The following PCDHA6 variants were observed in gnomAD, a reference collection of about 807,000 sequenced individuals.
PCDHA6 encodes protocadherin alpha-6.
Under a neutral mutation model 60.3 loss-of-function variants are expected in PCDHA6, and 55 were observed. The ratio of observed to expected loss-of-function variants is 0.91; its 90% CI spans 0.73 to 1.14. PCDHA6 has a LOEUF of 1.14. Among genes scored for constraint, PCDHA6 ranks in the 50% most tolerant of loss-of-function variants. The pLI is 0.00. For missense variants in PCDHA6, 1,327 were observed against 1,256.5 expected, an observed-to-expected ratio of 1.06 and a Z score of -0.85; for synonymous variants, 652 against 557.9, an observed-to-expected ratio of 1.17 and a Z score of -2.38.
intron 1 of PCDHA6, chr5:140,848,613 G>C (rs147099629): frequency 6.3e-7 from 1 of 1,587,628 alleles, no homozygotes; most frequent in Admixed American, 1.7e-5. Flanking sequence ...GGAGGAAGCC[G>C]AACACGGCAC....
At chr5:140,969,304 C>CA in intron 1 of PCDHA6, 3 of 1,614,160 alleles carry the variant, frequency 1.9e-6, no homozygotes, top group Non-Finnish European at 2.5e-6. Flanking sequence ...TGATTATTCT[C>CA]AAAAATGAGG....
In PCDHA6 at chr5:140,870,537, G is replaced by A. The variant is rs575452776; in HGVS notation, c.2394+40052G>A. On this transcript the variant is annotated intron_variant, in intron 1 of 3. Transcript: ENST00000529310. ...GCTGCCACATCTTCACAGTGTCGGC[G>A]CGGGACGCGGACGCGCAGGAGAACG... 9.3e-6 allele frequency: 15 copies of A among 1,614,172 alleles called. No homozygotes were observed. In the African/African-American group the frequency reaches 1.7e-4, roughly 19 times the overall value.
chr5:140,972,505 T>C (rs2096539361), intron 1 of PCDHA6, among the ~76,000 whole-genome samples: 1 of 152,100 alleles, frequency 6.6e-6, no homozygotes, highest in African/African-American at 2.4e-5. Flanking sequence ...GTTGGTAGAT[T>C]TTACCCCCAG....
chr5:140,967,043 G>T (rs1477679213), intron 1 of PCDHA6: 2 of 1,611,990 alleles, frequency 1.2e-6, no homozygotes, highest in African/African-American at 2.7e-5. Context: ...CCTGGAGCTG[G>T]ACCTGACGAG....
chr5:140,931,693 A>G (rs1001252056), intron 1 of PCDHA6, among the ~76,000 whole-genome samples: 1 of 152,004 alleles, frequency 6.6e-6, no homozygotes, highest in African/African-American at 2.4e-5. Context: ...ATTGTGATTC[A>G]TAAAACCATG....
intron 1 of PCDHA6, among the ~76,000 whole-genome samples, chr5:140,907,765 T>C (rs901037519): frequency 8.5e-5 from 13 of 152,144 alleles, no homozygotes; most frequent in African/African-American, 3.1e-4. Flanking sequence ...GCCCATTGGG[T>C]GATGACAGGG....
chr5:140,882,331 C>A, intron 1 of PCDHA6: 1 of 1,614,214 alleles, frequency 6.2e-7, no homozygotes, highest in South Asian at 1.1e-5. Context: ...TTCTGATCCT[C>A]GCAGCCTGGG....
chr5:140,888,994 T>A (rs1486471421), intron 1 of PCDHA6, among the ~76,000 whole-genome samples: 5 of 152,154 alleles, frequency 3.3e-5, no homozygotes, highest in African/African-American at 1.2e-4. Flanking sequence ...TATGATTTTC[T>A]TATGGCAAAC....
chr5:140,873,959 C>A (rs782271124), intron 1 of PCDHA6, among the ~76,000 whole-genome samples: 1 of 152,136 alleles, frequency 6.6e-6, no homozygotes, highest in Non-Finnish European at 1.5e-5. Context: ...CTGAGCCCAG[C>A]CTATTTTTTA....
intron 1 of PCDHA6, chr5:140,870,895 G>A (rs2052513329): frequency 6.2e-7 from 1 of 1,613,844 alleles, no homozygotes; most frequent in African/African-American, 1.3e-5. Flanking sequence ...CGCAGTGGAT[G>A]CGGACTCAGG....
chr5:140,929,307 C>A, intron 1 of PCDHA6: 1 of 1,570,164 alleles, frequency 6.4e-7, no homozygotes, highest in Non-Finnish European at 8.7e-7. Flanking sequence ...AAGGGGATCA[C>A]GCTAATGTCA....
intron 1 of PCDHA6, chr5:140,864,831 A>G (rs2048618192): frequency 1.3e-5 from 2 of 152,186 alleles, no homozygotes; most frequent in Non-Finnish European, 2.9e-5. Context: ...GGCTTTAAGT[A>G]TAAGAGAGTC....
rs2150477798 is a variant in PCDHA6 at position 140,850,289 on chromosome 5, C to T, written c.2394+19804C>T. On this transcript the variant is annotated intron_variant, in intron 1 of 3. Coordinates refer to ENST00000529310, the MANE Select transcript of PCDHA6 (RefSeq NM_018909.4). ...TGGTGGGGAAGGTGCGCGCAGTGGA[C>T]GCCGACTCGGGCTACAACGCGTGGC... 1.9e-6 allele frequency: 3 copies of T among 1,595,826 alleles called. No homozygotes were observed. In the East Asian group the frequency reaches 6.7e-5, roughly 36 times the overall value.
intron 1 of PCDHA6, among the ~76,000 whole-genome samples, chr5:140,950,799 G>C (rs1218789077): frequency 5.3e-5 from 8 of 151,796 alleles, no homozygotes; most frequent in African/African-American, 1.7e-4. Flanking sequence ...ATATTGTCTG[G>C]TTTTACCATA....
chr5:140,925,641 TATAATAATAATAATAATA>T (rs10569930), intron 1 of PCDHA6, among the ~76,000 whole-genome samples: 1 of 143,358 alleles, frequency 7.0e-6, no homozygotes, highest in African/African-American at 2.5e-5. Context: ...GAACTTAAAG[TATAATAATAATAATAATA>T]ATAATAATAA....
At chr5:140,927,672 A>G in intron 1 of PCDHA6, 1 of 1,614,202 alleles carries the variant, frequency 6.2e-7, no homozygotes, top group Non-Finnish European at 8.5e-7. Flanking sequence ...CCTTGGATCC[A>G]GATGAAGGGT....
At chr5:140,954,406 G>A (rs556455987) in intron 1 of PCDHA6, among the ~76,000 whole-genome samples, 2 of 152,268 alleles carry the variant, frequency 1.3e-5, no homozygotes, top group East Asian at 3.9e-4. Flanking sequence ...CACCAACAGG[G>A]TAAAGGTGTT....
intron 1 of PCDHA6, chr5:140,860,465 T>C (rs12657479): frequency 6.6e-6 from 1 of 152,098 alleles, no homozygotes; most frequent in Admixed American, 6.5e-5. Flanking sequence ...GATAATACAG[T>C]TGGTGCAGTA....
In PCDHA6 at chr5:140,884,002, C is replaced by G. The variant is rs1189374158; in HGVS notation, c.2394+53517C>G. 26 of 1,612,788 alleles carry G rather than the reference C, an allele frequency of 1.6e-5. No individual in the cohort carries two copies. Among genetic ancestry groups the G allele is most frequent in the Non-Finnish European group, 2.2e-5 (26 of 1,179,570 alleles). Reference sequence around the variant, plus strand: ...CTGGCAGCGCGGGAGGCACAGTGAGCGAGCTGATGCCGCGGTCGGTGGGTG... The same window carrying G: ...CTGGCAGCGCGGGAGGCACAGTGAGGGAGCTGATGCCGCGGTCGGTGGGTG... On this transcript the variant is annotated intron_variant, in intron 1 of 3. Coordinates refer to ENST00000529310, the MANE Select transcript of PCDHA6 (RefSeq NM_018909.4).
Sources: allele counts gnomAD v4.1 joint callset (sites outside exome capture counted in the v4.1 genomes callset), GRCh38; gene constraint gnomAD v4.1.1; transcripts MANE v1.5; gene names NCBI Gene and HGNC (gene_info 2026-07-23, HGNC 2026-07-21).